The following NFAM1 variants were observed in gnomAD, a reference collection of about 807,000 sequenced individuals.
NFAM1 encodes the protein NFAT activating protein with ITAM motif 1.
Under a neutral mutation model 29.0 loss-of-function variants are expected in NFAM1, and 17 were observed. The ratio of observed to expected loss-of-function variants is 0.59; its 90% confidence interval spans 0.40 to 0.88. The LOEUF is 0.88. Among genes scored for constraint, NFAM1 ranks in the 40% least tolerant of loss-of-function variants. NFAM1 has a pLI of 0.00. For missense variants in NFAM1, 324 were observed against 344.6 expected (o/e 0.94, Z 0.47); for synonymous variants, 175 against 147.2 (o/e 1.19, Z -1.36).
At chr22:42,418,686 CTGTT>C (rs961392945) in intron 1 of NFAM1, among the ~76,000 whole-genome samples, 10 of 151,520 alleles carry the variant, frequency 6.6e-5, no homozygotes, top group African/African-American at 9.7e-5. Context: ...AGAGCTATCT[CTGTT>C]TTTTTTTTTT....
In NFAM1 at chr22:42,409,549, T is replaced by C; in HGVS notation, c.452-2A>G. 6.7e-7 allele frequency: 1 copy of C among 1,482,832 alleles called. No homozygotes were observed. The highest frequency in any genetic ancestry group is 9.0e-7 in the Non-Finnish European group (1 of 1,107,486). The allele number at this position is 1,482,832 out of a possible 1,614,324, so 91.9% of individuals were successfully genotyped here. On this transcript the variant is annotated splice_acceptor_variant, in intron 2 of 5. Coordinates refer to ENST00000329021, the MANE Select transcript of NFAM1 (RefSeq NM_145912.8). LOFTEE classifies it high-confidence loss of function. The surrounding 1 kb of genome is among the most constrained non-coding windows in gnomAD (Gnocchi z 4.9). ...GCGGGGGCTCTCGGTACCCTGCGTC[T>C]AGGAGGAAGCGCAGGGGAGCAGAGG... is the stretch of plus-strand genomic sequence containing the variant.
chr22:42,413,607 C>T (rs147903635), intron 1 of NFAM1, among the ~76,000 whole-genome samples: 2,110 of 151,976 alleles, frequency 0.014, 32 homozygotes, highest in Non-Finnish European at 0.023. Flanking sequence ...GAAACCCCGC[C>T]TCTACTAAAA....
At chr22:42,424,494 A>C (rs1340251309) in intron 1 of NFAM1, among the ~76,000 whole-genome samples, 1 of 152,216 alleles carries the variant, frequency 6.6e-6, no homozygotes, top group African/African-American at 2.4e-5. Context: ...ACAAAATCTC[A>C]AGAAGCAAGC....
chr22:42,387,189 G>A (rs1286650830), intron 4 of NFAM1, 111 bp from the exon 5 acceptor site: 3 of 594,858 alleles, frequency 5.0e-6, no homozygotes, highest in Non-Finnish European at 8.6e-6. Flanking sequence ...GCCCAGGGGA[G>A]GGTGAAGCCC....
At chr22:42,436,490 G>A (rs962944446), upstream of NFAM1, among the ~76,000 whole-genome samples, 2 of 152,198 alleles carry the variant, frequency 1.3e-5, no homozygotes, top group Non-Finnish European at 2.9e-5. Context: ...CTCTGGGGCC[G>A]TCTTGTGCCT....
At chr22:42,432,204 G>T in intron 1 of NFAM1, 33 bp downstream of exon 1, 1 of 1,544,764 alleles carries the variant, frequency 6.5e-7, no homozygotes, top group African/African-American at 1.4e-5. Flanking sequence ...TCTGGAGCGA[G>T]AGAGTAGAGA....
chr22:42,432,397 G>A lies in NFAM1; in HGVS notation c.-40C>T. 1 of 1,506,918 alleles carries A rather than the reference G, an allele frequency of 6.6e-7. No individual in the cohort carries two copies. The highest frequency in any genetic ancestry group is 8.9e-7 in the Non-Finnish European group (1 of 1,129,732). 93.3% of individuals were successfully genotyped at this position (1,506,918 alleles called of 1,614,324 possible). A position where few individuals can be genotyped will look rare whatever the true frequency, so the allele number is the denominator to read the frequency against. On this transcript the variant is annotated 5_prime_UTR_variant, in exon 1 of 6. Transcript: ENST00000329021. The stretch of plus-strand genomic sequence containing the variant: ...GTCTGCGGCGACTCTTTAGTTCACA[G>A]GAGGGGACGGCCGGCGCTGACAGCT...
upstream of NFAM1, chr22:42,437,140 T>TA: frequency 2.4e-5 from 6 of 252,822 alleles, no homozygotes; most frequent in Non-Finnish European, 2.9e-5. Flanking sequence ...TTTCTTTTTG[T>TA]CTTTTTTTTT....
At chr22:42,391,435 A>G (rs1929338668) in intron 4 of NFAM1, among the ~76,000 whole-genome samples, 1 of 152,182 alleles carries the variant, frequency 6.6e-6, no homozygotes, top group African/African-American at 2.4e-5. Context: ...GACTCCAGGC[A>G]AGAAACGGGA....
chr22:42,420,814 T>C (rs1365097007), intron 1 of NFAM1, among the ~76,000 whole-genome samples: 1 of 151,986 alleles, frequency 6.6e-6, no homozygotes, highest in East Asian at 1.9e-4. Flanking sequence ...AAAGAAAACA[T>C]TCTCAAAGGA....
intron 4 of NFAM1, among the ~76,000 whole-genome samples, chr22:42,392,550 G>C (rs1420496300): frequency 6.6e-6 from 1 of 152,166 alleles, no homozygotes; most frequent in Non-Finnish European, 1.5e-5. Flanking sequence ...AGAAACGGCA[G>C]GGAGCTGGAG....
chr22:42,401,260 G>A (rs1236452506), intron 3 of NFAM1, among the ~76,000 whole-genome samples: 5 of 152,342 alleles, frequency 3.3e-5, no homozygotes, highest in Admixed American at 2.0e-4. Context: ...CGAACAGCTC[G>A]GGGGCAGGAG....
chr22:42,434,956 CACGG>C (rs935430333), upstream of NFAM1, among the ~76,000 whole-genome samples: 4 of 152,252 alleles, frequency 2.6e-5, no homozygotes, highest in Non-Finnish European at 5.9e-5. Flanking sequence ...GCCCTGGCCT[CACGG>C]AGGCTGTAGA....
intron 4 of NFAM1, 123 bp from the exon 5 acceptor site, chr22:42,387,201 G>T: frequency 3.6e-6 from 2 of 557,852 alleles, no homozygotes; most frequent in Non-Finnish European, 6.2e-6. Flanking sequence ...GTGAAGCCCA[G>T]CCACACCTTT....
At position 42,384,885 on chromosome 22, in the gene NFAM1, C is replaced by T. The variant is rs1232363259; in HGVS notation, c.*276G>A. On this transcript the variant is annotated 3_prime_UTR_variant, in exon 6 of 6. Transcript: ENST00000329021. ...TGGCATCCAGGAAAGCCCTTGAAGA[C>T]TGAGGGGCGCTTTGCTGGTTGGGCC... The T allele has an allele frequency of 9.3e-6, 5 of 538,202 alleles. No individual in the cohort carries two copies. The highest frequency in any genetic ancestry group is 7.6e-5 in the African/African-American group (4 of 52,566). The allele number at this position is 538,202 out of a possible 1,614,324, so 33.3% of individuals were successfully genotyped here. A position where few individuals can be genotyped will look rare whatever the true frequency, so the allele number is the denominator to read the frequency against.
In NFAM1 at chr22:42,409,489, G is replaced by C. The variant is rs371820087; in HGVS notation, c.510C>G (p.Thr170=). Reference sequence around the variant, plus strand: ...CTACACTCAGGACACTCAGGAGGCCGGTGAAGCCAAAGAGCAGGAGCTTCT... The same window carrying C: ...CTACACTCAGGACACTCAGGAGGCCCGTGAAGCCAAAGAGCAGGAGCTTCT... ...SPQKLLLFGF[T]GLLSVLSVVG... The change falls in exon 3 of 6, where the codon ACC becomes ACG. Residue 170 remains threonine (T), a synonymous_variant. Transcript: ENST00000329021. The surrounding 1 kb of genome is among the most constrained non-coding windows in gnomAD (Gnocchi z 4.9). 6.4e-6 allele frequency: 10 copies of C among 1,568,556 alleles called. No individual in the cohort carries two copies. In the African/African-American group the frequency reaches 1.4e-4, roughly 22 times the overall value.
chr22:42,397,453 G>T (rs766328913), intron 4 of NFAM1, among the ~76,000 whole-genome samples: 14 of 152,212 alleles, frequency 9.2e-5, no homozygotes, highest in Non-Finnish European at 1.6e-4. Flanking sequence ...GTGGGATGGC[G>T]CCTGACCTCT....
chr22:42,432,241 C>T lies in NFAM1; in HGVS notation c.117G>A (p.Leu39=). 1.3e-6 allele frequency: 2 copies of T among 1,572,422 alleles called. No homozygotes were observed. Among genetic ancestry groups the T allele is most frequent in the Non-Finnish European group, 1.7e-6 (2 of 1,158,356 alleles). ...GVLLLPGTLR[L]AGGQSVTHTG... ...AAGGAGGAAGACAGACACTACCTGC[C>T]AGTCGCAGGGTCCCGGGCAGCAGCA... Residue 39 remains leucine (L), a synonymous_variant, in exon 1 of 6, where the codon CTG becomes CTA. Coordinates refer to ENST00000329021, the MANE Select transcript of NFAM1 (RefSeq NM_145912.8).
upstream of NFAM1, among the ~76,000 whole-genome samples, chr22:42,434,286 CT>C (rs1461581522): frequency 6.6e-6 from 1 of 152,168 alleles, no homozygotes; most frequent in Non-Finnish European, 1.5e-5. Context: ...AGGGAGAAGC[CT>C]TCCTCCAGGC....
Sources: gnomAD v4.1 joint callset for allele counts (sites outside exome capture counted in the v4.1 genomes callset) on GRCh38, gnomAD v4.1.1 for gene constraint, Gnocchi (gnomAD v3.1) non-coding constraint, MANE v1.5 for transcripts, NCBI Gene and HGNC (gene_info 2026-07-23, HGNC 2026-07-21) for gene names.